Variants in CDH12 observed in about 807,000 individuals in gnomAD.
CDH12 encodes the protein cadherin 12, also known as cadherin-12.
Under a neutral mutation model 74.1 loss-of-function variants are expected in CDH12, and 41 were observed. The ratio of observed to expected loss-of-function variants is 0.55; its 90% CI spans 0.43 to 0.72. CDH12 has a LOEUF of 0.72. CDH12 is among the 30% of genes least tolerant of loss of function. The probability of loss-of-function intolerance (pLI) is 0.00; values close to 1 mark genes in which losing one functional copy is unlikely to be tolerated. For missense variants in CDH12, 945 were observed against 977.2 expected (o/e 0.97, Z 0.44); for synonymous variants, 399 against 355.0 (o/e 1.12, Z -1.39).
At chr5:22,487,222 G>C (rs1250192774) in intron 2 of CDH12, among the ~76,000 whole-genome samples, 1 of 151,412 alleles carries the variant, frequency 6.6e-6, no homozygotes, top group Non-Finnish European at 1.5e-5. Context: ...AGCTGATTTC[G>C]AACTCCTGAC....
At chr5:22,429,231 A>T (rs902975004) in intron 2 of CDH12, among the ~76,000 whole-genome samples, 2 of 151,942 alleles carry the variant, frequency 1.3e-5, no homozygotes, top group South Asian at 4.2e-4. Context: ...TCCTGGGCTC[A>T]CTGGATCCTC....
At chr5:22,794,909 CA>C (rs1748107853) in intron 1 of CDH12, among the ~76,000 whole-genome samples, 1 of 151,878 alleles carries the variant, frequency 6.6e-6, no homozygotes, top group South Asian at 2.1e-4. Context: ...AGCATGGAAG[CA>C]GAGATGGAGA....
intron 1 of CDH12, among the ~76,000 whole-genome samples, chr5:22,509,375 A>G (rs1260492494): frequency 6.6e-6 from 1 of 152,206 alleles, no homozygotes; most frequent in East Asian, 1.9e-4. Flanking sequence ...TTTAAAGGAA[A>G]TATTTTCTAA....
At chr5:21,752,290 A>T in intron 14 of CDH12, 54 bp from the exon 15 acceptor site, 1 of 1,492,422 alleles carries the variant, frequency 6.7e-7, no homozygotes, top group Non-Finnish European at 9.0e-7. Context: ...AGGTCATTTC[A>T]TCTCTCCATA....
chr5:21,793,321 G>A (rs1216615097), intron 10 of CDH12, among the ~76,000 whole-genome samples: 1 of 151,522 alleles, frequency 6.6e-6, no homozygotes, highest in Non-Finnish European at 1.5e-5. Context: ...TATACAGGGA[G>A]TTTTTTTCAA....
At chr5:22,543,351 C>T (rs1415060685) in intron 1 of CDH12, among the ~76,000 whole-genome samples, 1 of 152,050 alleles carries the variant, frequency 6.6e-6, no homozygotes, top group East Asian at 1.9e-4. Flanking sequence ...TTATTGAATG[C>T]TGTAATAGGA....
chr5:22,073,093 T>G (rs1047109811), intron 5 of CDH12, among the ~76,000 whole-genome samples: 3 of 152,104 alleles, frequency 2.0e-5, no homozygotes, highest in African/African-American at 7.2e-5. Flanking sequence ...CTCAATAAAG[T>G]TTAACTTTTA....
chr5:21,763,015 C>A (rs1744814894), intron 12 of CDH12, among the ~76,000 whole-genome samples: 1 of 151,958 alleles, frequency 6.6e-6, no homozygotes, highest in African/African-American at 2.4e-5. Flanking sequence ...ATTTTTGTAG[C>A]ACCTAGGATT....
chr5:21,872,910 T>TATCTATCTATCTA (rs1015832623), intron 6 of CDH12, among the ~76,000 whole-genome samples: 1 of 151,934 alleles, frequency 6.6e-6, no homozygotes, highest in Non-Finnish European at 1.5e-5. Flanking sequence ...TCTATCTATC[T>TATCTATCTATCTA]ATCTATCTAT....
At chr5:21,763,833 A>T (rs1383752043) in intron 12 of CDH12, among the ~76,000 whole-genome samples, 1 of 152,148 alleles carries the variant, frequency 6.6e-6, no homozygotes, top group Non-Finnish European at 1.5e-5. Flanking sequence ...TTTCCTCATA[A>T]CATCTTCCCA....
intron 3 of CDH12, among the ~76,000 whole-genome samples, chr5:22,397,456 GT>G (rs55937701): frequency 0.068 from 9,476 of 140,266 alleles, 473 homozygotes; most frequent in African/African-American, 0.18. Flanking sequence ...TTGATTCCAG[GT>G]TTTTTTTTTT....
At chr5:21,788,909 T>C (rs1746341542) in intron 10 of CDH12, among the ~76,000 whole-genome samples, 1 of 152,066 alleles carries the variant, frequency 6.6e-6, no homozygotes, top group Admixed American at 6.6e-5. Context: ...TATTTGCATT[T>C]GCCATTTTAT....
chr5:21,769,078 T>TA (rs2149880800), intron 11 of CDH12, among the ~76,000 whole-genome samples: 1 of 152,180 alleles, frequency 6.6e-6, no homozygotes, highest in African/African-American at 2.4e-5. Context: ...CCATTCGTGA[T>TA]AAAAACTCTC....
chr5:22,187,180 A>T (rs1248981191), intron 4 of CDH12, among the ~76,000 whole-genome samples: 1 of 152,212 alleles, frequency 6.6e-6, no homozygotes, highest in East Asian at 1.9e-4. Context: ...GAGGTCCCCT[A>T]GGAGTAATAG....
intron 4 of CDH12, among the ~76,000 whole-genome samples, chr5:22,144,977 AT>A (rs1383066801): frequency 6.6e-6 from 1 of 152,074 alleles, no homozygotes; most frequent in Non-Finnish European, 1.5e-5. Flanking sequence ...GAGGAACTTG[AT>A]TATATTATAA....
intron 1 of CDH12, among the ~76,000 whole-genome samples, chr5:22,685,778 C>T (rs574244589): frequency 6.6e-6 from 1 of 152,266 alleles, no homozygotes; most frequent in African/African-American, 2.4e-5. Context: ...TAGAACACAT[C>T]GTGTTTATCC....
At chr5:22,726,565 G>A (rs1744173889) in intron 1 of CDH12, among the ~76,000 whole-genome samples, 1 of 151,836 alleles carries the variant, frequency 6.6e-6, no homozygotes, top group Non-Finnish European at 1.5e-5. Flanking sequence ...GTGTCATAAT[G>A]TATTTCCTCC....
At chr5:22,642,666 A>G (rs1393533511) in intron 1 of CDH12, among the ~76,000 whole-genome samples, 1 of 152,126 alleles carries the variant, frequency 6.6e-6, no homozygotes, top group Non-Finnish European at 1.5e-5. Context: ...CCATTTTGTT[A>G]TATTTTATTT....
At chr5:21,771,776 TC>T (rs1745337747) in intron 11 of CDH12, among the ~76,000 whole-genome samples, 1 of 152,140 alleles carries the variant, frequency 6.6e-6, no homozygotes, top group Non-Finnish European at 1.5e-5. Context: ...ATGTAAATTT[TC>T]CCCCATGAGA....
Sources: allele counts gnomAD v4.1 joint callset (sites outside exome capture counted in the v4.1 genomes callset), GRCh38; gene constraint gnomAD v4.1.1; transcripts MANE v1.5; gene names NCBI Gene and HGNC (gene_info 2026-07-23, HGNC 2026-07-21).